The following ACTR3 variants were observed in gnomAD, a reference collection of about 807,000 sequenced individuals.
ACTR3 encodes actin related protein 3, also known as actin-related protein 3.
A neutral mutation model predicts 56.8 loss-of-function variants in ACTR3; 12 were observed. The observed-to-expected ratio is 0.21, with a 90% CI of 0.14 to 0.34. The LOEUF is 0.34. Among genes scored for constraint, ACTR3 ranks in the 10% least tolerant of loss-of-function variants. The pLI, the probability that ACTR3 is intolerant of heterozygous loss-of-function variation, is 1.00. For synonymous variants in ACTR3, 162 were observed against 167.4 expected, an observed-to-expected ratio of 0.97 and a Z score of 0.25; for missense variants, 282 against 512.5, an observed-to-expected ratio of 0.55 and a Z score of 4.34.
chr2:113,909,103 T>C (rs2104589771), intron 1 of ACTR3, among the ~76,000 whole-genome samples: 1 of 152,300 alleles, frequency 6.6e-6, no homozygotes, highest in East Asian at 1.9e-4. Flanking sequence ...AAATCTAAGG[T>C]AGTAGAACAT....
intron 2 of ACTR3, 67 bp downstream of exon 2, chr2:113,913,294 A>G (rs1372762717): frequency 8.2e-7 from 1 of 1,216,148 alleles, no homozygotes; most frequent in African/African-American, 1.6e-5. Flanking sequence ...AATTTAAGTA[A>G]AAGAAGTAAT....
At chr2:113,931,432 C>G (rs112631500) in intron 5 of ACTR3, 36 bp downstream of exon 5, 5 of 1,372,054 alleles carry the variant, frequency 3.6e-6, no homozygotes, top group Non-Finnish European at 5.0e-6. Flanking sequence ...TTGATTCTTA[C>G]ATTTTAACCT....
chr2:113,896,249 A>G (rs1202596385), intron 1 of ACTR3, among the ~76,000 whole-genome samples: 1 of 152,224 alleles, frequency 6.6e-6, no homozygotes, highest in Non-Finnish European at 1.5e-5. Flanking sequence ...TATTTTAAAT[A>G]TAATAATTGG....
intron 1 of ACTR3, among the ~76,000 whole-genome samples, chr2:113,908,053 T>C (rs1020950572): frequency 1.3e-5 from 2 of 151,840 alleles, no homozygotes; most frequent in Admixed American, 6.6e-5. Flanking sequence ...ATCATTATTC[T>C]TTAGAGAGCA....
chr2:113,902,347 C>T (rs908832891), intron 1 of ACTR3, among the ~76,000 whole-genome samples: 3 of 151,630 alleles, frequency 2.0e-5, no homozygotes, highest in African/African-American at 7.3e-5. Flanking sequence ...ATTCCTTTCT[C>T]TAAGCAAGTT....
intron 1 of ACTR3, among the ~76,000 whole-genome samples, chr2:113,900,235 A>G (rs748942171): frequency 6.6e-6 from 1 of 152,088 alleles, no homozygotes; most frequent in Non-Finnish European, 1.5e-5. Flanking sequence ...AATCAATTTT[A>G]GAACATTTTC....
intron 6 of ACTR3, among the ~76,000 whole-genome samples, chr2:113,935,162 T>C (rs895265087): frequency 6.6e-6 from 1 of 152,220 alleles, no homozygotes; most frequent in South Asian, 2.1e-4. Flanking sequence ...CCTCATGATA[T>C]GTCATAATGG....
chr2:113,912,965 T>C (rs1453966044), intron 1 of ACTR3, among the ~76,000 whole-genome samples: 1 of 152,224 alleles, frequency 6.6e-6, no homozygotes, highest in Non-Finnish European at 1.5e-5. Flanking sequence ...GATCAATTTC[T>C]TGAAGTGGAA....
Position 113,961,923 on chromosome 2 carries a change from C to T in ACTR3, c.*4468C>T, listed in dbSNP as rs1442776537. 1.3e-5 allele frequency: 2 copies of T among 152,000 alleles called. No homozygotes were observed. The highest frequency in any genetic ancestry group is 6.6e-5 in the Admixed American group (1 of 15,236). 9.4% of individuals were successfully genotyped at this position (152,000 alleles called of 1,614,324 possible). On this transcript the variant is annotated 3_prime_UTR_variant, in exon 12 of 12. Transcript: ENST00000263238. ...TCCTAAAATTTTTACCTAAGTGTTA[C>T]ATCCAACAACAGATGAAAGTAATTC...
intron 1 of ACTR3, among the ~76,000 whole-genome samples, chr2:113,897,357 A>T (rs1679026087): frequency 6.6e-6 from 1 of 152,122 alleles, no homozygotes; most frequent in Non-Finnish European, 1.5e-5. Context: ...AAAAGAAAAA[A>T]AATTCTAGTT....
rs764798286 is a variant in ACTR3 at position 113,957,340 on chromosome 2, T to C, written c.1162-20T>C. The C allele has an allele frequency of 1.9e-6, 3 of 1,583,558 alleles. No individual in the cohort carries two copies. Among genetic ancestry groups the C allele is most frequent in the South Asian group, 2.2e-5 (2 of 90,314 alleles). ...GGTAGATTTTTGACCCTTATAAAAA[T>C]ACATATTTTTTGTTTTCAGCCTGAG... On this transcript the variant is annotated intron_variant, in intron 11 of 11. Transcript: ENST00000263238.
chr2:113,892,502 T>C (rs1678924690), intron 1 of ACTR3, among the ~76,000 whole-genome samples: 1 of 152,192 alleles, frequency 6.6e-6, no homozygotes, highest in Non-Finnish European at 1.5e-5. Flanking sequence ...CAAAAGCCTT[T>C]TTGGTCTTAC....
chr2:113,890,804 A>T (rs1289056950), intron 1 of ACTR3: 1 of 998,628 alleles, frequency 1.0e-6, no homozygotes, highest in African/African-American at 1.7e-5. Context: ...TCGCTGTGAC[A>T]ACATTCTGCC....
chr2:113,921,140 T>G (rs1354432309), intron 3 of ACTR3, among the ~76,000 whole-genome samples: 3 of 152,154 alleles, frequency 2.0e-5, no homozygotes, highest in African/African-American at 7.2e-5. Flanking sequence ...TGATTTTTTT[T>G]GTCTTTTGGG....
chr2:113,956,863 C>T (rs922023343), intron 11 of ACTR3, among the ~76,000 whole-genome samples: 1 of 152,138 alleles, frequency 6.6e-6, no homozygotes, highest in African/African-American at 2.4e-5. Flanking sequence ...TGTGACTTTG[C>T]CTTGAGAAAT....
At chr2:113,906,820 T>TA (rs1175929549) in intron 1 of ACTR3, among the ~76,000 whole-genome samples, 2 of 152,242 alleles carry the variant, frequency 1.3e-5, no homozygotes, top group African/African-American at 2.4e-5. Flanking sequence ...TGTTAGTTCT[T>TA]ATGCCAGTAC....
At chr2:113,940,292 C>G (rs566299924) in intron 7 of ACTR3, 190 bp downstream of exon 7, 4 of 432,116 alleles carry the variant, frequency 9.3e-6, no homozygotes, top group Non-Finnish European at 1.6e-5. Flanking sequence ...AGTTTGTCTT[C>G]TGTTTTCTTC....
chr2:113,921,339 T>C (rs1334531080), intron 3 of ACTR3, among the ~76,000 whole-genome samples: 19 of 151,736 alleles, frequency 1.3e-4, no homozygotes, highest in Admixed American at 1.2e-3. Context: ...TTTTTCTTGC[T>C]GTTGAATTGA....
intron 3 of ACTR3, among the ~76,000 whole-genome samples, chr2:113,919,637 G>A (rs1346440257): frequency 2.0e-5 from 3 of 152,088 alleles, no homozygotes; most frequent in African/African-American, 7.2e-5. Context: ...ATGGGATATT[G>A]GTGATAAGCT....
Sources: allele counts gnomAD v4.1 joint callset (sites outside exome capture counted in the v4.1 genomes callset), GRCh38; gene constraint gnomAD v4.1.1; transcripts MANE v1.5; gene names NCBI Gene and HGNC (gene_info 2026-07-23, HGNC 2026-07-21).